The following FIGN variants were observed in gnomAD, a reference collection of about 807,000 sequenced individuals.
FIGN encodes fidgetin.
FIGN carries 11 observed loss-of-function variants against 51.3 expected under a neutral mutation model. That is an observed-to-expected ratio of 0.21 (90% CI 0.13 to 0.35). The LOEUF (loss-of-function observed/expected upper bound fraction) is 0.35. FIGN is among the 10% of genes least tolerant of loss of function. The pLI is 1.00. For synonymous variants in FIGN, 407 were observed against 363.2 expected (o/e 1.12, Z -1.37); for missense variants, 857 against 943.6 (o/e 0.91, Z 1.20).
In FIGN at chr2:163,606,698, C is replaced by G. The variant is rs1333488405; in HGVS notation, c.*2854G>C. ...AGCTCATAATGCTGCCATGCAGAATCAAAGAATCACAGGAGAGCACTATCT... is the reference window on the plus strand; with the variant it reads ...AGCTCATAATGCTGCCATGCAGAATGAAAGAATCACAGGAGAGCACTATCT... On this transcript the variant is annotated 3_prime_UTR_variant, in exon 3 of 3. Transcript: ENST00000333129. 1 of 152,128 alleles carries G rather than the reference C, an allele frequency of 6.6e-6. No homozygotes were observed. The highest frequency in any genetic ancestry group is 2.4e-5 in the African/African-American group (1 of 41,436). 9.4% of individuals were successfully genotyped at this position (152,128 alleles called of 1,614,324 possible).
At chr2:163,634,833 T>A (rs1033382594) in intron 2 of FIGN, among the ~76,000 whole-genome samples, 5 of 152,252 alleles carry the variant, frequency 3.3e-5, no homozygotes, top group Admixed American at 1.3e-4. Flanking sequence ...TGGCACTTAC[T>A]CTGTTGTTTG....
At chr2:163,732,059 A>G (rs538907936) in intron 2 of FIGN, among the ~76,000 whole-genome samples, 3 of 152,328 alleles carry the variant, frequency 2.0e-5, no homozygotes, top group Admixed American at 6.5e-5. Context: ...TGCCTCCCAA[A>G]ATGAAGCAGG....
intron 2 of FIGN, among the ~76,000 whole-genome samples, chr2:163,725,215 G>T (rs1684821060): frequency 6.6e-6 from 1 of 151,802 alleles, no homozygotes; most frequent in South Asian, 2.1e-4. Context: ...TTTTCCAGAT[G>T]ATCAAGTAAT....
intron 2 of FIGN, among the ~76,000 whole-genome samples, chr2:163,638,485 C>A (rs1369818390): frequency 6.6e-6 from 1 of 152,006 alleles, no homozygotes; most frequent in Non-Finnish European, 1.5e-5. Context: ...TCTGACAAGT[C>A]TTAAAGAACA....
At position 163,618,932 on chromosome 2, in the gene FIGN, T is replaced by TA. The variant is rs1045167832; in HGVS notation, c.26-7127dup. Among the ~76,000 whole-genome samples, 8 of 152,288 alleles carry TA rather than the reference T, an allele frequency of 5.3e-5. 1 individual carries two copies. The highest frequency in any genetic ancestry group is 1.9e-4 in the African/African-American group (8 of 41,574). ...AAAACATTTTCCAAATACTTTTTTT[T>TA]ATGATAAGAGAACCTCCCTACCCTC... On this transcript the variant is annotated intron_variant, in intron 2 of 2. Transcript: ENST00000333129.
Position 163,724,928 on chromosome 2 carries a change from G to C in FIGN, c.25+9975C>G, listed in dbSNP as rs181838978. Among the ~76,000 whole-genome samples, 39 of 152,200 alleles carry C rather than the reference G, an allele frequency of 2.6e-4. No individual in the cohort carries two copies. In the East Asian group the frequency reaches 6.9e-3, roughly 27 times the overall value. The stretch of plus-strand genomic sequence containing the variant: ...TATTAGTCAATGATTCTTAATAACT[G>C]ATAAGGTTTTTTTTACATAATTAAT... On this transcript the variant is annotated intron_variant, in intron 2 of 2. Coordinates refer to ENST00000333129, the MANE Select transcript of FIGN (RefSeq NM_018086.4).
chr2:163,685,267 C>G (rs1284816216), intron 2 of FIGN, among the ~76,000 whole-genome samples: 1 of 152,178 alleles, frequency 6.6e-6, no homozygotes, highest in South Asian at 2.1e-4. Flanking sequence ...TTAATCTGTA[C>G]TCCTTGTTCT....
At chr2:163,640,443 T>C (rs1475606826) in intron 2 of FIGN, among the ~76,000 whole-genome samples, 1 of 152,202 alleles carries the variant, frequency 6.6e-6, no homozygotes, top group Non-Finnish European at 1.5e-5. Flanking sequence ...TGAGTGTGTG[T>C]CTACACACTT....
chr2:163,693,730 T>C (rs1417822955), intron 2 of FIGN, among the ~76,000 whole-genome samples: 1 of 152,184 alleles, frequency 6.6e-6, no homozygotes, highest in Non-Finnish European at 1.5e-5. Flanking sequence ...AACATATTAC[T>C]TCATAACTGG....
chr2:163,629,537 G>T (rs996752650), intron 2 of FIGN, among the ~76,000 whole-genome samples: 9 of 152,080 alleles, frequency 5.9e-5, no homozygotes, highest in Non-Finnish European at 1.5e-5. Flanking sequence ...TTTTTTAAAG[G>T]ATATGGGGGA....
intron 2 of FIGN, among the ~76,000 whole-genome samples, chr2:163,640,996 C>G (rs1683297346): frequency 6.6e-6 from 1 of 152,184 alleles, no homozygotes; most frequent in Non-Finnish European, 1.5e-5. Flanking sequence ...GGAGGGACAG[C>G]ACAGACAGAA....
chr2:163,648,397 T>C (rs1487629975), intron 2 of FIGN, among the ~76,000 whole-genome samples: 1 of 152,218 alleles, frequency 6.6e-6, no homozygotes, highest in Non-Finnish European at 1.5e-5. Flanking sequence ...GAGTCTCTTT[T>C]TAAACGATTA....
Position 163,660,839 on chromosome 2 carries a change from A to G in FIGN, c.26-49033T>C, listed in dbSNP as rs1194946072. Among the ~76,000 whole-genome samples the G allele has an allele frequency of 1.8e-4, 16 of 86,840 alleles. 2 individuals are homozygous for G. Among genetic ancestry groups the G allele is most frequent in the African/African-American group, 1.9e-4 (4 of 20,536 alleles). The allele number at this position is 86,840 out of a possible 152,430, so 57.0% of individuals were successfully genotyped here. ...CATATACATATATATGTATACATATATACATATATATATGTATACATATAT... is the reference window on the plus strand; with the variant it reads ...CATATACATATATATGTATACATATGTACATATATATATGTATACATATAT... On this transcript the variant is annotated intron_variant, in intron 2 of 2. Transcript: ENST00000333129.
intron 2 of FIGN, among the ~76,000 whole-genome samples, chr2:163,644,762 G>T (rs1448415512): frequency 2.0e-5 from 3 of 152,160 alleles, no homozygotes; most frequent in Non-Finnish European, 4.4e-5. Flanking sequence ...TGAAGTACTG[G>T]CACATGTTAA....
rs1669820879 is a variant in FIGN at position 163,604,710 on chromosome 2, AGAAAT to A, written c.*4837_*4841del. The A allele has an allele frequency of 6.6e-6, 1 of 151,960 alleles. No individual in the cohort carries two copies. The highest frequency in any genetic ancestry group is 1.5e-5 in the Non-Finnish European group (1 of 67,932). 9.4% of individuals were successfully genotyped at this position (151,960 alleles called of 1,614,324 possible). On this transcript the variant is annotated 3_prime_UTR_variant, in exon 3 of 3. Transcript: ENST00000333129. ...TACATCAGATGAAAAAAGAAAAAAA[AGAAAT>A]GAATATTCTCTAGCAAGTGTATATA... is the stretch of plus-strand genomic sequence containing the variant.
At chr2:163,643,598 C>G (rs1339855721) in intron 2 of FIGN, among the ~76,000 whole-genome samples, 1 of 151,054 alleles carries the variant, frequency 6.6e-6, no homozygotes, top group Non-Finnish European at 1.5e-5. Flanking sequence ...GGGTAGTGAG[C>G]CAAGATCATG....
At position 163,611,161 on chromosome 2, in the gene FIGN, G is replaced by T; in HGVS notation, c.671C>A (p.Pro224Gln). The change falls in exon 3 of 3, where the codon CCA (proline) becomes CAA (glutamine). Residue 224 changes from proline to glutamine, a missense_variant. Pro to Gln is a moderately conservative substitution (Grantham distance 76, BLOSUM62 -1). Around this residue, in one of 3 missense-constraint regions of FIGN, gnomAD observed 799 missense variants for 849.5 expected, o/e 0.94. Transcript: ENST00000333129. ...CAAGGCTGGTGGCGGAGGAGGTGGT[G>T]GTGGGGGCTGTAGTAGCCCAGAGCT... ...LHSSGLLQPP[P>Q]PPPPPPALVP... The T allele has an allele frequency of 6.2e-7, 1 of 1,614,142 alleles. No individual in the cohort carries two copies. The highest frequency in any genetic ancestry group is 8.5e-7 in the Non-Finnish European group (1 of 1,180,022).
chr2:163,649,438 C>G (rs1683435556), intron 2 of FIGN, among the ~76,000 whole-genome samples: 1 of 152,152 alleles, frequency 6.6e-6, no homozygotes, highest in South Asian at 2.1e-4. Context: ...TCTGCCCACC[C>G]TGCTGCAGAG....
Position 163,660,764 on chromosome 2 carries a change from TATATGTATACAC to T in FIGN, c.26-48970_26-48959del, listed in dbSNP as rs1431918114. 1.0e-3 allele frequency among the ~76,000 whole-genome samples: 107 copies of T among 105,074 alleles called. 5 individuals are homozygous for T. Among genetic ancestry groups the T allele is most frequent in the African/African-American group, 3.8e-3 (103 of 27,262 alleles). The allele number at this position is 105,074 out of a possible 152,430, so 68.9% of individuals were successfully genotyped here. A position where few individuals can be genotyped will look rare whatever the true frequency, so the allele number is the denominator to read the frequency against. ...ATATATATGTATACACATATACATA[TATATGTATACAC>T]ATATACATATATATGTATATAGATA... On this transcript the variant is annotated intron_variant, in intron 2 of 2. Coordinates refer to ENST00000333129, the MANE Select transcript of FIGN (RefSeq NM_018086.4).
Sources: allele counts gnomAD v4.1 joint callset (sites outside exome capture counted in the v4.1 genomes callset), GRCh38; gene constraint gnomAD v4.1.1; regional missense constraint gnomAD v4.1.1; transcripts MANE v1.5; gene names NCBI Gene and HGNC (gene_info 2026-07-23, HGNC 2026-07-21).